Variants in SOD2 observed in about 807,000 individuals in gnomAD.
The protein encoded by SOD2 is superoxide dismutase 2, also known as superoxide dismutase [Mn], mitochondrial.
SOD2 carries 11 observed loss-of-function variants against 27.0 expected under a neutral mutation model. The observed-to-expected ratio is 0.41, with a 90% CI of 0.26 to 0.67. The LOEUF is 0.67. Among genes scored for constraint, SOD2 ranks in the 30% least tolerant of loss-of-function variants. The probability of loss-of-function intolerance (pLI) is 0.34; values close to 1 mark genes in which losing one functional copy is unlikely to be tolerated. For missense variants in SOD2, 250 were observed against 274.5 expected (o/e 0.91, Z 0.63); for synonymous variants, 105 against 103.0 (o/e 1.02, Z -0.12).
upstream of SOD2, among the ~76,000 whole-genome samples, chr6:159,746,823 G>A (rs2114940466): frequency 6.6e-6 from 1 of 152,284 alleles, no homozygotes; most frequent in South Asian, 2.1e-4. Context: ...CCTAGAACAT[G>A]GAATTTATTC....
At chr6:159,710,101 C>T (rs1312369814) in intron 1 of SOD2, among the ~76,000 whole-genome samples, 5 of 106,466 alleles carry the variant, frequency 4.7e-5, no homozygotes, top group African/African-American at 7.9e-5. Context: ...ACATCACACA[C>T]TGGGGCCTGT....
rs1180383560 is a variant in SOD2 at position 159,693,227 on chromosome 6, A to C, written c.-60T>G. 2 of 1,468,974 alleles carry C rather than the reference A, an allele frequency of 1.4e-6. No individual in the cohort carries two copies. The highest frequency in any genetic ancestry group is 1.8e-6 in the Non-Finnish European group (2 of 1,092,752). 91.0% of individuals were successfully genotyped at this position (1,468,974 alleles called of 1,614,324 possible). ...ATCTGCTGAAGCCGCTGCCGAAGCC[A>C]CCACAGCCACGAGTGCCGCTCCTGC... On this transcript the variant is annotated 5_prime_UTR_variant, in exon 1 of 5. Transcript: ENST00000538183.
intron 1 of SOD2, among the ~76,000 whole-genome samples, chr6:159,705,725 T>C (rs1245529668): frequency 6.6e-6 from 1 of 152,150 alleles, no homozygotes; most frequent in Non-Finnish European, 1.5e-5. Flanking sequence ...TTCCCCAACC[T>C]AGCAAGGCAG....
At chr6:159,692,423 C>T in intron 2 of SOD2, 3 of 1,403,736 alleles carry the variant, frequency 2.1e-6, no homozygotes, top group South Asian at 1.7e-5. Flanking sequence ...AGGCAAGCTC[C>T]TTCGCAGGAC....
rs1413185972 is a variant in SOD2, at chr6:159,726,917, A to C, written c.-116+212T>G. The C allele has an allele frequency of 3.9e-6, 5 of 1,288,862 alleles. No individual in the cohort carries two copies. The South Asian group carries it at 6.2e-5, about 16-fold the overall frequency. 79.8% of individuals were successfully genotyped at this position (1,288,862 alleles called of 1,614,324 possible). On this transcript the variant is annotated intron_variant, in intron 1 of 2. Transcript: ENST00000401980. ...CCCACGGCCTCTCTCTTGAGGTGGC[A>C]CCTGGTCCTCCGACACGCGGAAGCA...
chr6:159,729,561 C>G (rs1253269449), upstream of SOD2, among the ~76,000 whole-genome samples: 4 of 143,390 alleles, frequency 2.8e-5, no homozygotes, highest in Admixed American at 6.9e-5. Context: ...ATATTATGTT[C>G]ATATTTTATT....
chr6:159,682,763 G>GTT (rs749764999), intron 4 of SOD2, 125 bp from the exon 5 acceptor site: 1 of 836,022 alleles, frequency 1.2e-6, no homozygotes, highest in South Asian at 2.8e-5. Context: ...TCATTCACTT[G>GTT]TTTTTTTATA....
chr6:159,712,412 T>C (rs201639492), intron 1 of SOD2, among the ~76,000 whole-genome samples: 218 of 48,670 alleles, frequency 4.5e-3, no homozygotes, highest in East Asian at 0.013. Context: ...ACTGCTCTGA[T>C]CACCATAACC....
chr6:159,683,592 A>G (rs1780054390), intron 4 of SOD2, among the ~76,000 whole-genome samples: 1 of 152,214 alleles, frequency 6.6e-6, no homozygotes, highest in Admixed American at 6.6e-5. Context: ...TTTATTATTA[A>G]TAATTTCAAG....
intron 1 of SOD2, chr6:159,726,994 C>G (rs1778205881): frequency 2.4e-6 from 3 of 1,271,088 alleles, no homozygotes; most frequent in Non-Finnish European, 1.0e-6. Context: ...CCGCCTTCGC[C>G]CAGATCCCTC....
chr6:159,688,921 C>A (rs572569745), intron 2 of SOD2, among the ~76,000 whole-genome samples: 12 of 152,272 alleles, frequency 7.9e-5, no homozygotes, highest in Non-Finnish European at 1.0e-4. Flanking sequence ...ACAAGCAGAA[C>A]CTAATCCCTT....
At chr6:159,699,849 A>G (rs1041016610) in intron 1 of SOD2, among the ~76,000 whole-genome samples, 4 of 152,150 alleles carry the variant, frequency 2.6e-5, no homozygotes, top group Non-Finnish European at 5.9e-5. Flanking sequence ...CAAAATAGGT[A>G]CACAGGAGGA....
intron 1 of SOD2, among the ~76,000 whole-genome samples, chr6:159,719,926 G>A (rs1777999090): frequency 6.6e-6 from 1 of 151,162 alleles, no homozygotes; most frequent in African/African-American, 2.4e-5. Flanking sequence ...GTTTCACCAT[G>A]TTGGCTAGGC....
At chr6:159,725,981 A>G (rs1487184452) in intron 1 of SOD2, 1 of 152,226 alleles carries the variant, frequency 6.6e-6, no homozygotes, top group Non-Finnish European at 1.5e-5. Flanking sequence ...TCAGTTCCCT[A>G]TTAACGGATA....
chr6:159,761,890 CCCCGCG>C (rs1780139133), exon 1 of SOD2: 5 of 351,350 alleles, frequency 1.4e-5, no homozygotes, highest in Non-Finnish European at 4.8e-6. Context: ...GCGCCCCGCG[CCCCGCG>C]CGCCTCCGCC....
intron 1 of SOD2, among the ~76,000 whole-genome samples, chr6:159,702,308 T>G (rs1777535243): frequency 6.6e-6 from 1 of 151,598 alleles, no homozygotes; most frequent in Admixed American, 6.6e-5. Flanking sequence ...TTTTTTTTTT[T>G]TTTCTTGAGA....
At chr6:159,761,711 GC>G in exon 1 of SOD2, 2 of 371,434 alleles carry the variant, frequency 5.4e-6, no homozygotes, top group Admixed American at 7.1e-5. Flanking sequence ...TTAAAAAAAA[GC>G]CCAAGACGTC....
At position 159,672,208 on chromosome 6, in the gene SOD2, G is replaced by T. The variant is rs538486751; in HGVS notation, c.*10285C>A. 6.6e-6 allele frequency: 1 copy of T among 152,130 alleles called. No homozygotes were observed. The highest frequency in any genetic ancestry group is 2.1e-4 in the South Asian group (1 of 4,824). The allele number at this position is 152,130 out of a possible 1,614,324, so 9.4% of individuals were successfully genotyped here. ...GGAGAACTTCCCCAATCTAGCAAGGGAGGACAACATTCAAATTCAGGAAAT... is the reference window on the plus strand; with the variant it reads ...GGAGAACTTCCCCAATCTAGCAAGGTAGGACAACATTCAAATTCAGGAAAT... On this transcript the variant is annotated 3_prime_UTR_variant, in exon 5 of 5. Coordinates refer to ENST00000538183, the MANE Select transcript of SOD2 (RefSeq NM_000636.4).
chr6:159,728,538 G>A (rs559056861), upstream of SOD2, among the ~76,000 whole-genome samples: 3 of 152,144 alleles, frequency 2.0e-5, no homozygotes, highest in African/African-American at 7.2e-5. Flanking sequence ...CCATTGCTTC[G>A]GAAGATAAGT....
Sources: gnomAD v4.1 joint callset for allele counts (sites outside exome capture counted in the v4.1 genomes callset) on GRCh38, gnomAD v4.1.1 for gene constraint, MANE v1.5 for transcripts, NCBI Gene and HGNC (gene_info 2026-07-23, HGNC 2026-07-21) for gene names.